Variants in THSD4 observed in about 807,000 individuals in gnomAD.
THSD4 encodes the protein thrombospondin type 1 domain containing 4.
A neutral mutation model predicts 119.0 loss-of-function variants in THSD4; 69 were observed. That is an observed-to-expected ratio of 0.58 (90% CI 0.48 to 0.71). The LOEUF is 0.71. THSD4 is among the 30% of genes least tolerant of loss of function. THSD4 has a pLI of 0.00. For missense variants in THSD4, 1,393 were observed against 1,391.1 expected (o/e 1.00, Z -0.02); for synonymous variants, 524 against 540.4 (o/e 0.97, Z 0.42).
Position 71,757,976 on chromosome 15 carries a change from C to T in THSD4, c.2490C>T (p.Pro830=), listed in dbSNP as rs777102128. 10 of 1,614,136 alleles carry T rather than the reference C, an allele frequency of 6.2e-6. No individual in the cohort carries two copies. Among genetic ancestry groups the T allele is most frequent in the Non-Finnish European group, 6.8e-6 (8 of 1,180,038 alleles). The change falls in exon 15 of 18, where the codon CCC becomes CCT. Residue 830 remains proline (P), a synonymous_variant. Transcript: ENST00000261862. ...VCMTNHVSSL[P]LEGCGNNRPA... ...TGACCAACCATGTCAGCAGCCTGCC[C>T]CTGGAGGGCTGTGGGAACAACCGGC... is the stretch of plus-strand genomic sequence containing the variant.
At chr15:71,602,192 ATAAT>A (rs890612379) in intron 7 of THSD4, among the ~76,000 whole-genome samples, 6 of 152,162 alleles carry the variant, frequency 3.9e-5, no homozygotes, top group Non-Finnish European at 5.9e-5. Flanking sequence ...GAGCCAAAAA[ATAAT>A]TAATATACTG....
intron 7 of THSD4, among the ~76,000 whole-genome samples, chr15:71,557,417 G>C (rs893568180): frequency 6.6e-6 from 1 of 151,960 alleles, no homozygotes; most frequent in African/African-American, 2.4e-5. Flanking sequence ...ATATATATTT[G>C]AGAGTGCCTG....
chr15:71,255,961 A>C (rs1189848716), intron 5 of THSD4, among the ~76,000 whole-genome samples: 1 of 152,182 alleles, frequency 6.6e-6, no homozygotes, highest in South Asian at 2.1e-4. Context: ...GAGAGAATGG[A>C]GTAAACTGAT....
intron 6 of THSD4, among the ~76,000 whole-genome samples, chr15:71,274,107 G>T (rs1351857075): frequency 6.6e-6 from 1 of 152,058 alleles, no homozygotes; most frequent in South Asian, 2.1e-4. Flanking sequence ...CTGAGTGACA[G>T]TCTCGCCAAG....
chr15:71,310,905 T>G (rs1009150664), intron 6 of THSD4, among the ~76,000 whole-genome samples: 1 of 152,150 alleles, frequency 6.6e-6, no homozygotes, highest in African/African-American at 2.4e-5. Context: ...GCCTTCGTTT[T>G]GGGGTGTTGT....
In THSD4 at chr15:71,765,052, G is replaced by T. The variant is rs776467152; in HGVS notation, c.2622G>T (p.Gln874His). ...CSIECGSGTQQREVICVRKNA... is the reference protein window; with the variant it reads ...CSIECGSGTQHREVICVRKNA... ...TCGAGTGTGGGAGCGGGACGCAACA[G>T]AGGGAGGTGATTTGTGTTAGAAAGA... is the stretch of plus-strand genomic sequence containing the variant. Residue 874 changes from glutamine (Q) to histidine (H), a missense_variant, in exon 16 of 18, where the codon CAG becomes CAT. By Grantham distance (24) the Gln-to-His change is conservative. Coordinates refer to ENST00000261862, the MANE Select transcript of THSD4 (RefSeq NM_024817.3). 2 of 1,614,112 alleles carry T rather than the reference G, an allele frequency of 1.2e-6. No homozygotes were observed. The highest frequency in any genetic ancestry group is 2.7e-5 in the African/African-American group (2 of 74,944).
chr15:71,304,883 T>C (rs775209450), intron 6 of THSD4, among the ~76,000 whole-genome samples: 3 of 152,256 alleles, frequency 2.0e-5, no homozygotes, highest in Non-Finnish European at 4.4e-5. Context: ...CATATTGTTA[T>C]GAAATAAATA....
chr15:71,772,912 G>C (rs2053846718), intron 17 of THSD4, among the ~76,000 whole-genome samples: 1 of 152,096 alleles, frequency 6.6e-6, no homozygotes, highest in Admixed American at 6.6e-5. Flanking sequence ...AAAAATGCTA[G>C]AAAAAAGTAT....
At chr15:71,322,464 T>C (rs2045281303) in intron 6 of THSD4, among the ~76,000 whole-genome samples, 1 of 152,204 alleles carries the variant, frequency 6.6e-6, no homozygotes, top group Non-Finnish European at 1.5e-5. Context: ...TACGGGGTAA[T>C]AGAATTCTAA....
intron 7 of THSD4, among the ~76,000 whole-genome samples, chr15:71,574,895 T>C (rs2140905198): frequency 6.6e-6 from 1 of 152,306 alleles, no homozygotes; most frequent in African/African-American, 2.4e-5. Flanking sequence ...TCTCTAGATA[T>C]CCTGGAATAT....
chr15:71,243,282 A>T (rs978146163), intron 5 of THSD4, among the ~76,000 whole-genome samples, 186 bp downstream of exon 5: 8 of 145,948 alleles, frequency 5.5e-5, no homozygotes, highest in South Asian at 2.2e-4. Context: ...TTTTTTTTTT[A>T]AAGTTATTGC....
intron 8 of THSD4, among the ~76,000 whole-genome samples, chr15:71,668,436 G>T (rs1259107123): frequency 6.6e-6 from 1 of 152,156 alleles, no homozygotes; most frequent in Non-Finnish European, 1.5e-5. Context: ...AGCCCCAAGA[G>T]GCTCTGAGCC....
At chr15:71,406,272 C>A (rs984573749) in intron 6 of THSD4, among the ~76,000 whole-genome samples, 4 of 152,074 alleles carry the variant, frequency 2.6e-5, no homozygotes, top group Non-Finnish European at 5.9e-5. Flanking sequence ...TATTTTATAG[C>A]CTAACATTTA....
intron 6 of THSD4, among the ~76,000 whole-genome samples, chr15:71,277,810 G>A (rs1034137448): frequency 1.3e-5 from 2 of 152,004 alleles, no homozygotes; most frequent in Non-Finnish European, 2.9e-5. Context: ...TCTTTGGATG[G>A]TCCACTGAAG....
At chr15:71,303,283 G>C (rs1170599200) in intron 6 of THSD4, among the ~76,000 whole-genome samples, 1 of 152,216 alleles carries the variant, frequency 6.6e-6, no homozygotes, top group Non-Finnish European at 1.5e-5. Context: ...TAACACTTCA[G>C]GTAGGGCCCA....
At chr15:71,189,563 G>C (rs1022340982) in intron 3 of THSD4, among the ~76,000 whole-genome samples, 1 of 152,050 alleles carries the variant, frequency 6.6e-6, no homozygotes, top group Non-Finnish European at 1.5e-5. Flanking sequence ...CCAGCTACTC[G>C]GGAGGCTGAG....
intron 7 of THSD4, among the ~76,000 whole-genome samples, chr15:71,596,490 A>C (rs928581984): frequency 6.6e-6 from 1 of 152,154 alleles, no homozygotes; most frequent in African/African-American, 2.4e-5. Flanking sequence ...AGAGTTTTGT[A>C]TTTTATAAAC....
intron 7 of THSD4, among the ~76,000 whole-genome samples, chr15:71,443,471 T>C (rs1001395806): frequency 6.6e-6 from 1 of 152,184 alleles, no homozygotes; most frequent in Non-Finnish European, 1.5e-5. Context: ...CCCCACCTGA[T>C]GTTGTTTGGA....
Position 71,494,977 on chromosome 15 carries a change from A to G in THSD4, c.1152+83154A>G, listed in dbSNP as rs370061849. On this transcript the variant is annotated intron_variant, in intron 7 of 17. Coordinates refer to ENST00000261862, the MANE Select transcript of THSD4 (RefSeq NM_024817.3). ...AAAGGTCTCCACTGACTCCCAGCTT[A>G]ATGGTCCACGCACCTCCCAAAGTAT... Among the ~76,000 whole-genome samples the G allele has an allele frequency of 2.0e-5, 3 of 152,266 alleles. No individual in the cohort carries two copies. In the East Asian group the frequency reaches 5.8e-4, roughly 29 times the overall value.
Sources: gnomAD v4.1 joint callset for allele counts (sites outside exome capture counted in the v4.1 genomes callset) on GRCh38, gnomAD v4.1.1 for gene constraint, MANE v1.5 for transcripts, NCBI Gene and HGNC (gene_info 2026-07-23, HGNC 2026-07-21) for gene names.